Variants in PVALEF observed in about 807,000 individuals in gnomAD.
PVALEF encodes parvalbumin-like EF-hand-containing protein.
In PVALEF, 2 loss-of-function variants were observed where a neutral mutation model predicts 1.2. That is an observed-to-expected ratio of 1.68 (90% confidence interval 0.69 to 5.28). PVALEF has a LOEUF of 5.28. PVALEF is among the 30% of genes most tolerant of loss of function. The pLI is 0.06. For missense variants in PVALEF, 35 were observed against 17.7 expected (o/e 1.97, Z -1.75); for synonymous variants, 16 against 6.5 (o/e 2.47, Z -2.24).
At chr17:81,181,920 C>G (rs1343035181) in intron 5 of PVALEF, 46 bp from the exon 6 acceptor site, 2 of 398,364 alleles carry the variant, frequency 5.0e-6, no homozygotes, top group Non-Finnish European at 8.9e-6. Context: ...TCACTGGGCA[C>G]TGGCCGGAAG....
At chr17:81,169,252 C>G (rs4969415) in intron 2 of PVALEF, among the ~76,000 whole-genome samples, 45,048 of 152,104 alleles carry the variant, frequency 0.3, 6,896 homozygotes, top group Non-Finnish European at 0.33. Context: ...TAAGCTGTAC[C>G]CTTTAAAGTG....
chr17:81,172,346 G>C (rs2061523390), intron 2 of PVALEF, among the ~76,000 whole-genome samples: 1 of 152,216 alleles, frequency 6.6e-6, no homozygotes, highest in African/African-American at 2.4e-5. Context: ...TCCACCTTCT[G>C]ACCCGCTCAT....
intron 2 of PVALEF, among the ~76,000 whole-genome samples, chr17:81,175,493 G>T (rs2061533584): frequency 6.6e-6 from 1 of 152,136 alleles, no homozygotes; most frequent in South Asian, 2.1e-4. Flanking sequence ...TCTTGAAAAA[G>T]AAGAACAAAG....
Position 81,181,138 on chromosome 17 carries a change from C to A in PVALEF, c.-89C>A. ...CACTTTACAGCAGGATCCAGCACCA[C>A]GCGGCGTCTACGTCTGCTCTGGCCC... On this transcript the variant is annotated 5_prime_UTR_variant, in exon 4 of 7. Coordinates refer to ENST00000637878, the MANE Select transcript of PVALEF (RefSeq NM_001354639.2). 1.5e-6 allele frequency: 1 copy of A among 686,510 alleles called. No homozygotes were observed. Among genetic ancestry groups the A allele is most frequent in the South Asian group, 1.6e-5 (1 of 63,332 alleles). 42.5% of individuals were successfully genotyped at this position (686,510 alleles called of 1,614,324 possible).
At chr17:81,182,314 G>A (rs74002096) in intron 6 of PVALEF, among the ~76,000 whole-genome samples, 12,387 of 152,264 alleles carry the variant, frequency 0.081, 636 homozygotes, top group East Asian at 0.17. Flanking sequence ...CAGCGGGTAT[G>A]GGGTCTCAGA....
intron 2 of PVALEF, among the ~76,000 whole-genome samples, chr17:81,177,625 G>A (rs967670967): frequency 1.3e-5 from 2 of 151,994 alleles, no homozygotes; most frequent in Non-Finnish European, 2.9e-5. Flanking sequence ...TAAAAAGCAC[G>A]CAAGAAAGAA....
chr17:81,179,402 G>A (rs2061546096), intron 3 of PVALEF, among the ~76,000 whole-genome samples: 1 of 152,020 alleles, frequency 6.6e-6, no homozygotes, highest in South Asian at 2.1e-4. Flanking sequence ...CCTGCGGGGA[G>A]CACATGTGTG....
intron 1 of PVALEF, chr17:81,165,951 C>T (rs763723409): frequency 1.6e-5 from 26 of 1,583,608 alleles, no homozygotes; most frequent in African/African-American, 2.7e-5. Flanking sequence ...GGTCGAAGTG[C>T]GAGCTGAAGG....
chr17:81,171,585 G>A (rs1250594573), intron 2 of PVALEF, among the ~76,000 whole-genome samples: 5 of 152,152 alleles, frequency 3.3e-5, no homozygotes, highest in African/African-American at 1.2e-4. Context: ...TCCGCCTCCT[G>A]GGTTAACGCC....
At chr17:81,173,734 T>C (rs2061527906) in intron 2 of PVALEF, among the ~76,000 whole-genome samples, 1 of 152,190 alleles carries the variant, frequency 6.6e-6, no homozygotes, top group African/African-American at 2.4e-5. Flanking sequence ...ACCAAACATT[T>C]AAAGAACAAA....
rs1056728875 is a variant in PVALEF, at chr17:81,166,084, G to T, written c.-508+337G>T. 4.5e-6 allele frequency: 4 copies of T among 884,370 alleles called. No individual in the cohort carries two copies. The Admixed American group carries it at 2.4e-4, about 52-fold the overall frequency. 54.8% of individuals were successfully genotyped at this position (884,370 alleles called of 1,614,324 possible). A position where few individuals can be genotyped will look rare whatever the true frequency, so the allele number is the denominator to read the frequency against. On this transcript the variant is annotated intron_variant, in intron 1 of 6. Transcript: ENST00000637878. ...CGAGCCGCCGCATCACCCAGCGGCC[G>T]CCGCAGGTGCGGAGCGCGCCGGCCC...
At position 81,166,780 on chromosome 17, in the gene PVALEF, AC is replaced by A. The variant is rs1567833950; in HGVS notation, c.-402del. On this transcript the variant is annotated 5_prime_UTR_variant, in exon 2 of 7. It introduces an in-frame stop codon into an upstream open reading frame of the 5' UTR. Coordinates refer to ENST00000637878, the MANE Select transcript of PVALEF (RefSeq NM_001354639.2). The stretch of plus-strand genomic sequence containing the variant: ...GCTTTGCACACAGGCCTGCTCCTGT[AC>A]CGTGCTGCGACAGCCATGAAGGAAG... 2 of 456,376 alleles carry A rather than the reference AC, an allele frequency of 4.4e-6. No homozygotes were observed. The highest frequency in any genetic ancestry group is 2.0e-5 in the African/African-American group (1 of 50,034). The allele number at this position is 456,376 out of a possible 1,614,324, so 28.3% of individuals were successfully genotyped here.
intron 2 of PVALEF, among the ~76,000 whole-genome samples, chr17:81,171,592 C>T (rs547600526): frequency 3.9e-5 from 6 of 152,234 alleles, no homozygotes; most frequent in African/African-American, 1.2e-4. Context: ...CCTGGGTTAA[C>T]GCCATTCTCC....
In PVALEF at chr17:81,181,676, T is replaced by C. The variant is rs1312390720; in HGVS notation, c.224T>C (p.Ile75Thr). The change falls in exon 5 of 7, where the codon ATT (isoleucine) becomes ACT (threonine). Residue 75 changes from isoleucine (I) to threonine (T), a missense_variant. Transcript: ENST00000637878. ...CTGGACAAGGACAAGAGTGGCTTCA[T>C]TGAGTGGAACGAGATCAAGTAATGG... ...QSLDKDKSGF[I>T]EWNEIKYILS... The C allele has an allele frequency of 2.5e-5, 10 of 404,196 alleles. No homozygotes were observed. Among genetic ancestry groups the C allele is most frequent in the Admixed American group, 4.4e-5 (1 of 22,796 alleles). 25.0% of individuals were successfully genotyped at this position (404,196 alleles called of 1,614,324 possible).
At chr17:81,176,989 C>T (rs551893475) in intron 2 of PVALEF, among the ~76,000 whole-genome samples, 3 of 147,020 alleles carry the variant, frequency 2.0e-5, no homozygotes, top group Admixed American at 6.8e-5. Context: ...TGCGGTGGCG[C>T]GATCTCAGCT....
At chr17:81,177,946 T>C (rs7217269) in intron 2 of PVALEF, among the ~76,000 whole-genome samples, 40,986 of 152,056 alleles carry the variant, frequency 0.27, 5,712 homozygotes, top group African/African-American at 0.3. Flanking sequence ...CACCAGTGTC[T>C]CCTTCCCTGT....
At chr17:81,172,857 G>C (rs1376782386) in intron 2 of PVALEF, among the ~76,000 whole-genome samples, 1 of 152,088 alleles carries the variant, frequency 6.6e-6, no homozygotes, top group Non-Finnish European at 1.5e-5. Context: ...CAGAGTTGTG[G>C]AGACGTGGTA....
intron 2 of PVALEF, among the ~76,000 whole-genome samples, chr17:81,178,131 A>G (rs1380582273): frequency 1.3e-5 from 2 of 152,220 alleles, no homozygotes; most frequent in Non-Finnish European, 2.9e-5. Context: ...GGCCCCGCCA[A>G]TGGCAGATGA....
intron 2 of PVALEF, among the ~76,000 whole-genome samples, chr17:81,173,222 G>C (rs1311152417): frequency 1.3e-5 from 2 of 152,314 alleles, no homozygotes; most frequent in Non-Finnish European, 2.9e-5. Context: ...TATTTTAGGA[G>C]CTTCATGAGC....
Sources: allele counts gnomAD v4.1 joint callset (sites outside exome capture counted in the v4.1 genomes callset), GRCh38; gene constraint gnomAD v4.1.1; transcripts MANE v1.5; gene names NCBI Gene and HGNC (gene_info 2026-07-23, HGNC 2026-07-21).